The following KIAA1958 variants were observed in gnomAD, a reference collection of about 807,000 sequenced individuals.
KIAA1958 encodes uncharacterized protein KIAA1958.
KIAA1958 carries 14 observed loss-of-function variants against 47.2 expected under a neutral mutation model. The observed-to-expected ratio is 0.30, with a 90% CI of 0.20 to 0.46. The LOEUF (loss-of-function observed/expected upper bound fraction) is 0.46, where lower values mean the gene tolerates loss of function less well. KIAA1958 is among the 20% of genes least tolerant of loss of function. The pLI is 1.00. For synonymous variants in KIAA1958, 354 were observed against 353.3 expected, an observed-to-expected ratio of 1.00 and a Z score of -0.02; for missense variants, 803 against 909.2, an observed-to-expected ratio of 0.88 and a Z score of 1.50.
intron 1 of KIAA1958, among the ~76,000 whole-genome samples, chr9:112,552,805 A>T (rs1835174541): frequency 6.6e-6 from 1 of 152,184 alleles, no homozygotes; most frequent in African/African-American, 2.4e-5. Context: ...AACAACTCTT[A>T]GCTCCAAGTT....
intron 1 of KIAA1958, among the ~76,000 whole-genome samples, chr9:112,541,541 C>T (rs1383696605): frequency 5.9e-5 from 9 of 152,048 alleles, no homozygotes; most frequent in Admixed American, 5.9e-4. Context: ...TGGCAGCTCA[C>T]GCCTGTAATC....
chr9:112,622,910 T>A (rs1277136432), intron 2 of KIAA1958, among the ~76,000 whole-genome samples: 2 of 152,196 alleles, frequency 1.3e-5, no homozygotes, highest in Non-Finnish European at 2.9e-5. Flanking sequence ...CATGAAATAG[T>A]CCCTGCTCTC....
intron 1 of KIAA1958, among the ~76,000 whole-genome samples, chr9:112,547,257 G>C (rs2132832561): frequency 6.6e-6 from 1 of 151,466 alleles, no homozygotes; most frequent in South Asian, 2.1e-4. Flanking sequence ...GCGTGCCTGT[G>C]GTCCCAGCTA....
chr9:112,499,115 C>T (rs898386188), intron 1 of KIAA1958, among the ~76,000 whole-genome samples: 1 of 152,188 alleles, frequency 6.6e-6, no homozygotes, highest in Non-Finnish European at 1.5e-5. Context: ...TGTGTATATA[C>T]ACCACATTTT....
At chr9:112,626,163 T>C (rs1836605897) in intron 2 of KIAA1958, among the ~76,000 whole-genome samples, 1 of 152,184 alleles carries the variant, frequency 6.6e-6, no homozygotes, top group South Asian at 2.1e-4. Context: ...AAATGGTAAC[T>C]AAGGAAAGAG....
At chr9:112,523,420 C>T (rs1461358420) in intron 1 of KIAA1958, among the ~76,000 whole-genome samples, 1 of 149,880 alleles carries the variant, frequency 6.7e-6, no homozygotes, top group Non-Finnish European at 1.5e-5. Flanking sequence ...CACTGCACTC[C>T]AGCCTGAGTG....
intron 1 of KIAA1958, 62 bp from the exon 2 acceptor site, chr9:112,573,995 T>C: frequency 1.2e-6 from 1 of 847,200 alleles, no homozygotes; most frequent in Non-Finnish European, 1.8e-6. Context: ...CAAACTGAAG[T>C]AATTGAGCTA....
At chr9:112,622,268 T>C (rs1182230239) in intron 2 of KIAA1958, among the ~76,000 whole-genome samples, 1 of 152,222 alleles carries the variant, frequency 6.6e-6, no homozygotes, top group Non-Finnish European at 1.5e-5. Flanking sequence ...ATCCTGTGGC[T>C]CAAATAAAGC....
chr9:112,487,111 AC>A lies in KIAA1958; in HGVS notation c.-30del. Reference sequence around the variant, plus strand: ...CGTTCCTATGGACAGACGCACAGACACCTGCAGGTGGGTGAGAGCCCGCGCG... The same window carrying A: ...CGTTCCTATGGACAGACGCACAGACACTGCAGGTGGGTGAGAGCCCGCGCG... On this transcript the variant is annotated 5_prime_UTR_variant, in exon 1 of 4. The change creates a premature stop within an existing upstream ORF in the 5' untranslated region. Transcript: ENST00000337530. The A allele has an allele frequency of 4.8e-6, 1 of 208,868 alleles. No individual in the cohort carries two copies. Among genetic ancestry groups the A allele is most frequent in the South Asian group, 5.6e-5 (1 of 17,886 alleles). 12.9% of individuals were successfully genotyped at this position (208,868 alleles called of 1,614,324 possible). A position where few individuals can be genotyped will look rare whatever the true frequency, so the allele number is the denominator to read the frequency against.
chr9:112,513,225 G>C (rs1169732609), intron 1 of KIAA1958, among the ~76,000 whole-genome samples: 5 of 121,902 alleles, frequency 4.1e-5, no homozygotes, highest in African/African-American at 1.6e-4. Flanking sequence ...GGCTGGTCTG[G>C]AACTCCTGAC....
intron 3 of KIAA1958, among the ~76,000 whole-genome samples, chr9:112,656,372 CAAAAAAAAA>C (rs35967386): frequency 5.2e-5 from 3 of 57,826 alleles, no homozygotes; most frequent in Non-Finnish European, 6.0e-5. Flanking sequence ...GACTCTGTCT[CAAAAAAAAA>C]AAAAAAAAAA....
At chr9:112,605,902 T>A (rs1311826858) in intron 2 of KIAA1958, among the ~76,000 whole-genome samples, 1 of 152,254 alleles carries the variant, frequency 6.6e-6, no homozygotes, top group East Asian at 1.9e-4. Flanking sequence ...ACACCCATTA[T>A]TTTTCTTCAT....
At chr9:112,531,137 C>T (rs920575734) in intron 1 of KIAA1958, among the ~76,000 whole-genome samples, 2 of 152,118 alleles carry the variant, frequency 1.3e-5, no homozygotes, top group African/African-American at 4.8e-5. Flanking sequence ...GCCTGTAATC[C>T]CAGGACTTTG....
At chr9:112,638,959 C>A (rs893346191) in intron 2 of KIAA1958, among the ~76,000 whole-genome samples, 1 of 152,118 alleles carries the variant, frequency 6.6e-6, no homozygotes, top group Non-Finnish European at 1.5e-5. Flanking sequence ...TCTTAAACTC[C>A]AAAAAGTTGC....
intron 2 of KIAA1958, among the ~76,000 whole-genome samples, chr9:112,607,749 C>CAA (rs367932637): frequency 0.3 from 35,361 of 118,626 alleles, 5,810 homozygotes; most frequent in African/African-American, 0.39. Context: ...ATATCCAAGA[C>CAA]AAAAAAAAAA....
intron 1 of KIAA1958, among the ~76,000 whole-genome samples, chr9:112,544,021 G>C (rs1245843872): frequency 6.6e-6 from 1 of 152,084 alleles, no homozygotes; most frequent in Non-Finnish European, 1.5e-5. Flanking sequence ...ATTAACTAAA[G>C]GATATGGATG....
intron 2 of KIAA1958, among the ~76,000 whole-genome samples, chr9:112,596,343 A>G (rs1027281926): frequency 1.3e-5 from 2 of 152,130 alleles, no homozygotes; most frequent in African/African-American, 4.8e-5. Context: ...TTTACAGAAT[A>G]TTTTTAGTCT....
chr9:112,634,589 A>G (rs536710950), intron 2 of KIAA1958, among the ~76,000 whole-genome samples: 2 of 152,266 alleles, frequency 1.3e-5, no homozygotes, highest in Admixed American at 1.3e-4. Flanking sequence ...CCTTTTTAAA[A>G]AATTTTTAAG....
At chr9:112,643,576 A>G (rs1050725596) in intron 2 of KIAA1958, among the ~76,000 whole-genome samples, 2 of 152,210 alleles carry the variant, frequency 1.3e-5, no homozygotes, top group Non-Finnish European at 2.9e-5. Context: ...TACCTACAAG[A>G]CACAGTTGCT....
Sources: allele counts gnomAD v4.1 joint callset (sites outside exome capture counted in the v4.1 genomes callset), GRCh38; gene constraint gnomAD v4.1.1; transcripts MANE v1.5; gene names NCBI Gene and HGNC (gene_info 2026-07-23, HGNC 2026-07-21).